Variants in SLC25A27 observed in about 807,000 individuals in gnomAD.
The protein encoded by SLC25A27 is mitochondrial uncoupling protein 4.
Under a neutral mutation model 49.1 loss-of-function variants are expected in SLC25A27, and 35 were observed. That is an observed-to-expected ratio of 0.71 (90% CI 0.54 to 0.95). The LOEUF (loss-of-function observed/expected upper bound fraction) is 0.95, where lower values mean the gene tolerates loss of function less well. Ranked by LOEUF, SLC25A27 falls within the 40% of genes least tolerant of loss-of-function variation. The pLI, the probability that SLC25A27 is intolerant of heterozygous loss-of-function variation, is 0.00. For missense variants in SLC25A27, 339 were observed against 397.1 expected (o/e 0.85, Z 1.24); for synonymous variants, 144 against 136.9 (o/e 1.05, Z -0.36).
intron 3 of SLC25A27, among the ~76,000 whole-genome samples, chr6:46,662,028 A>C (rs1763178418): frequency 6.6e-6 from 1 of 152,216 alleles, no homozygotes; most frequent in Non-Finnish European, 1.5e-5. Context: ...ACCGGAGTCT[A>C]GCCTTTGTCT....
chr6:46,667,031 A>G (rs772679782), intron 5 of SLC25A27, among the ~76,000 whole-genome samples: 2 of 152,116 alleles, frequency 1.3e-5, no homozygotes, highest in Non-Finnish European at 2.9e-5. Context: ...CCTTCTAACT[A>G]GTCTTTCCAT....
At chr6:46,675,748 A>T (rs988159263) in intron 8 of SLC25A27, among the ~76,000 whole-genome samples, 2 of 152,128 alleles carry the variant, frequency 1.3e-5, no homozygotes, top group African/African-American at 4.8e-5. Flanking sequence ...TCCTCTTCTA[A>T]CCCTTATTCT....
intron 5 of SLC25A27, among the ~76,000 whole-genome samples, chr6:46,668,311 C>T (rs896287356): frequency 6.6e-6 from 1 of 152,188 alleles, no homozygotes; most frequent in Admixed American, 6.5e-5. Context: ...GCACTCAAGC[C>T]TGTGTGACAG....
At position 46,678,030 on chromosome 6, in the gene SLC25A27, T is replaced by TTATATATATATACATATATA. The variant is rs1763861430; in HGVS notation, c.*1588_*1589insCATATATATATATATATATA. On this transcript the variant is annotated 3_prime_UTR_variant, in exon 9 of 9. Transcript: ENST00000371347. ...CAATATGTAATTGCGTTGTAAAATATTATATATATATATATATATATATAT... is the reference window on the plus strand; with the variant it reads ...CAATATGTAATTGCGTTGTAAAATATTATATATATATACATATATATATATATATATATATATATATATAT... 9.9e-6 allele frequency: 1 copy of TTATATATATATACATATATA among 100,630 alleles called. No homozygotes were observed. Among genetic ancestry groups the TTATATATATATACATATATA allele is most frequent in the African/African-American group, 4.0e-5 (1 of 25,238 alleles). The allele number at this position is 100,630 out of a possible 1,614,324, so 6.2% of individuals were successfully genotyped here. A position where few individuals can be genotyped will look rare whatever the true frequency, so the allele number is the denominator to read the frequency against.
chr6:46,653,265 C>T lies in SLC25A27; in HGVS notation c.73C>T (p.Leu25=), dbSNP rs1453012246. The T allele has an allele frequency of 6.2e-7, 1 of 1,613,434 alleles. No individual in the cohort carries two copies. Among genetic ancestry groups the T allele is most frequent in the African/African-American group, 1.3e-5 (1 of 75,056 alleles). Residue 25 remains leucine, a synonymous_variant, in exon 1 of 9, where the codon CTG becomes TTG. Coordinates refer to ENST00000371347, the MANE Select transcript of SLC25A27 (RefSeq NM_004277.5). ...QRWPRASKFL[L]SGCAATVAEL... ...ATGGCCCCGAGCGAGCAAATTCCTA[C>T]TGTCCGGCTGCGCGGCTACCGTGGC... is the stretch of plus-strand genomic sequence containing the variant.
chr6:46,668,782 C>T lies in SLC25A27; in HGVS notation c.693C>T (p.His231=), dbSNP rs62001873. Residue 231 remains histidine (H), a synonymous_variant, in exon 6 of 9, where the codon CAC becomes CAT. Transcript: ENST00000371347. The stretch of plus-strand genomic sequence containing the variant: ...CACTTGAGGACAATATCATGACTCA[C>T]GGTTTATCAAGGTAAGGATTGTTTT... ...NTPLEDNIMT[H]GLSSLCSGLV... 545 of 1,587,646 alleles carry T rather than the reference C, an allele frequency of 3.4e-4. 1 individual carries two copies. The African/African-American group carries it at 6.5e-3, about 19-fold the overall frequency.
At position 46,678,030 on chromosome 6, in the gene SLC25A27, T is replaced by TATATATATATATATATA. The variant is rs1341548657; in HGVS notation, c.*1576_*1577insATATATATATATATATA. The TATATATATATATATATA allele has an allele frequency of 9.9e-6, 1 of 100,626 alleles. No homozygotes were observed. Among genetic ancestry groups the TATATATATATATATATA allele is most frequent in the African/African-American group, 4.0e-5 (1 of 25,236 alleles). 6.2% of individuals were successfully genotyped at this position (100,626 alleles called of 1,614,324 possible). On this transcript the variant is annotated 3_prime_UTR_variant, in exon 9 of 9. Coordinates refer to ENST00000371347, the MANE Select transcript of SLC25A27 (RefSeq NM_004277.5). ...CAATATGTAATTGCGTTGTAAAATA[T>TATATATATATATATATA]TATATATATATATATATATATATAT...
chr6:46,668,985 G>A (rs1562040636), intron 6 of SLC25A27, among the ~76,000 whole-genome samples, 192 bp downstream of exon 6: 1 of 152,168 alleles, frequency 6.6e-6, no homozygotes, highest in Non-Finnish European at 1.5e-5. Context: ...AAAGTTGTAG[G>A]ATGTTTTGGA....
At chr6:46,669,537 A>G (rs1172815874) in intron 6 of SLC25A27, among the ~76,000 whole-genome samples, 1 of 152,208 alleles carries the variant, frequency 6.6e-6, no homozygotes, top group Non-Finnish European at 1.5e-5. Flanking sequence ...GACAACCCTA[A>G]AAGTGTAATA....
intron 5 of SLC25A27, among the ~76,000 whole-genome samples, chr6:46,666,501 C>A (rs764061011): frequency 1.3e-5 from 2 of 152,124 alleles, no homozygotes; most frequent in Non-Finnish European, 2.9e-5. Context: ...CAAAGGAAGT[C>A]AATCTGTTTT....
At chr6:46,666,036 G>A (rs1293078599) in intron 5 of SLC25A27, among the ~76,000 whole-genome samples, 1 of 152,018 alleles carries the variant, frequency 6.6e-6, no homozygotes, top group Non-Finnish European at 1.5e-5. Context: ...GTGCAGTAAT[G>A]AGCTGAAAGA....
chr6:46,657,340 G>A (rs2150633400), intron 2 of SLC25A27, among the ~76,000 whole-genome samples: 1 of 152,180 alleles, frequency 6.6e-6, no homozygotes, highest in Admixed American at 6.5e-5. Context: ...GCGCATTCCT[G>A]TAATCCCAGC....
chr6:46,665,148 G>A (rs1343103927), intron 5 of SLC25A27, among the ~76,000 whole-genome samples: 1 of 152,148 alleles, frequency 6.6e-6, no homozygotes, highest in African/African-American at 2.4e-5. Context: ...TAAACTATTT[G>A]TAAGGCCTCC....
In SLC25A27 at chr6:46,667,404, G is replaced by GT. The variant is rs1763360744; in HGVS notation, c.620-1304dup. On this transcript the variant is annotated intron_variant, in intron 5 of 8. Transcript: ENST00000371347. ...AACTATTGAGTTCTATTAAGTTCCA[G>GT]TAAGAACTCGATAGTTCTATTAAGT... 2.0e-5 allele frequency among the ~76,000 whole-genome samples: 3 copies of GT among 152,250 alleles called. No homozygotes were observed. The South Asian group carries it at 6.2e-4, about 32-fold the overall frequency.
intron 1 of SLC25A27, 115 bp downstream of exon 1, chr6:46,653,413 T>A: frequency 7.0e-7 from 1 of 1,438,398 alleles, no homozygotes. Context: ...GCCCCTTCCA[T>A]GCCCGCCTGG....
intron 8 of SLC25A27, among the ~76,000 whole-genome samples, chr6:46,674,386 C>A (rs928721917): frequency 1.3e-5 from 2 of 152,198 alleles, no homozygotes; most frequent in African/African-American, 4.8e-5. Flanking sequence ...CAGATCTGTT[C>A]CACTCAAAAC....
At position 46,662,433 on chromosome 6, in the gene SLC25A27, A is replaced by G; in HGVS notation, c.441A>G (p.Pro147=). 6.2e-7 allele frequency: 1 copy of G among 1,614,026 alleles called. No individual in the cohort carries two copies. The highest frequency in any genetic ancestry group is 8.5e-7 in the Non-Finnish European group (1 of 1,179,878). Residue 147 remains proline, a synonymous_variant, in exon 4 of 9, where the codon CCA becomes CCG. Transcript: ENST00000371347. ...AGVIGQFLAN[P]TDLVKVQMQM... ...TTATTGGCCAGTTTTTAGCCAATCC[A>G]ACTGACCTAGTGAAGGTTCAGATGC...
Position 46,659,616 on chromosome 6 carries a change from G to A in SLC25A27, c.383+570G>A, listed in dbSNP as rs1278126162. Among the ~76,000 whole-genome samples the A allele has an allele frequency of 5.3e-5, 8 of 152,270 alleles. No homozygotes were observed. The East Asian group carries it at 1.4e-3, about 26-fold the overall frequency. ...CGCCTGTAATCCCAGCATTTTGGAA[G>A]GCCAAGGTGGGCAGATTACCTGAGG... is the stretch of plus-strand genomic sequence containing the variant. On this transcript the variant is annotated intron_variant, in intron 3 of 8. Coordinates refer to ENST00000371347, the MANE Select transcript of SLC25A27 (RefSeq NM_004277.5).
At chr6:46,673,538 A>T (rs570470325) in intron 8 of SLC25A27, among the ~76,000 whole-genome samples, 83 of 152,328 alleles carry the variant, frequency 5.4e-4, no homozygotes, top group South Asian at 2.5e-3. Context: ...CTGATATTTG[A>T]TCTGGGCTTT....
Sources: gnomAD v4.1 joint callset for allele counts (sites outside exome capture counted in the v4.1 genomes callset) on GRCh38, gnomAD v4.1.1 for gene constraint, MANE v1.5 for transcripts, NCBI Gene and HGNC (gene_info 2026-07-23, HGNC 2026-07-21) for gene names.